Variants in CACNB2 observed in about 807,000 individuals in gnomAD.
The protein encoded by CACNB2 is calcium voltage-gated channel auxiliary subunit beta 2.
A neutral mutation model predicts 73.3 loss-of-function variants in CACNB2; 42 were observed. The ratio of observed to expected loss-of-function variants is 0.57; its 90% CI spans 0.45 to 0.74. CACNB2 has a LOEUF of 0.74. Ranked by LOEUF, CACNB2 falls within the 30% of genes least tolerant of loss-of-function variation. The pLI, the probability that CACNB2 is intolerant of heterozygous loss-of-function variation, is 0.00. For synonymous variants in CACNB2, 348 were observed against 310.3 expected (o/e 1.12, Z -1.28); for missense variants, 940 against 853.0 (o/e 1.10, Z -1.27).
At chr10:18,361,642 T>G (rs2042145991) in intron 2 of CACNB2, among the ~76,000 whole-genome samples, 2 of 150,674 alleles carry the variant, frequency 1.3e-5, no homozygotes, top group Admixed American at 6.6e-5. Context: ...AAACATAGTC[T>G]TGCTCTATTG....
At chr10:18,149,502 A>G (rs957477991) in intron 1 of CACNB2, among the ~76,000 whole-genome samples, 1 of 152,222 alleles carries the variant, frequency 6.6e-6, no homozygotes, top group African/African-American at 2.4e-5. Context: ...ACAAACATAT[A>G]TAAGAAAATT....
At chr10:18,187,506 C>T (rs1035394693) in intron 2 of CACNB2, among the ~76,000 whole-genome samples, 1 of 152,012 alleles carries the variant, frequency 6.6e-6, no homozygotes, top group African/African-American at 2.4e-5. Context: ...TTAAAAGTGA[C>T]TGTGTTAGTA....
intron 2 of CACNB2, among the ~76,000 whole-genome samples, chr10:18,319,542 C>G (rs9787537): frequency 0.1 from 15,969 of 152,090 alleles, 957 homozygotes; most frequent in South Asian, 0.2. Flanking sequence ...TGCAACAAGT[C>G]ACCATGGCAC....
chr10:18,345,533 A>G (rs1281717133), intron 2 of CACNB2, among the ~76,000 whole-genome samples: 1 of 152,140 alleles, frequency 6.6e-6, no homozygotes, highest in African/African-American at 2.4e-5. Context: ...TGGAACTCCC[A>G]TCCGTCTGTC....
chr10:18,499,803 T>TCA (rs2050089693), intron 4 of CACNB2, among the ~76,000 whole-genome samples: 3 of 38,716 alleles, frequency 7.7e-5, no homozygotes, highest in Non-Finnish European at 1.5e-4. Flanking sequence ...AAACCCCATC[T>TCA]CTAAAAAAAA....
rs117773823 is a variant in CACNB2, at chr10:18,211,683, C to T, written c.213+60708C>T. Among the ~76,000 whole-genome samples the T allele has an allele frequency of 3.4e-3, 525 of 152,206 alleles. 9 individuals carry two copies. In the East Asian group the frequency reaches 0.062, roughly 18 times the overall value. ...ACAGGGTTCAGATTTATATAAATAG[C>T]GGAATACTGTAGTGTGCTGCTCACA... On this transcript the variant is annotated intron_variant, in intron 2 of 13. Coordinates refer to ENST00000324631, the MANE Select transcript of CACNB2 (RefSeq NM_201596.3).
At chr10:18,471,537 C>G (rs560482850) in intron 3 of CACNB2, among the ~76,000 whole-genome samples, 4 of 152,272 alleles carry the variant, frequency 2.6e-5, no homozygotes, top group Admixed American at 6.5e-5. Flanking sequence ...TTTTGTGAAA[C>G]TGCCCATGGT....
intron 3 of CACNB2, among the ~76,000 whole-genome samples, chr10:18,441,193 C>T (rs1418496140): frequency 1.3e-5 from 2 of 152,164 alleles, no homozygotes; most frequent in African/African-American, 2.4e-5. Flanking sequence ...TCACCCAGGT[C>T]AGGAGGTCGA....
intron 2 of CACNB2, among the ~76,000 whole-genome samples, chr10:18,168,785 C>T (rs1455096793): frequency 2.0e-5 from 3 of 152,144 alleles, no homozygotes; most frequent in African/African-American, 4.8e-5. Context: ...GATTATAGAA[C>T]TCTGTTTTGA....
intron 2 of CACNB2, among the ~76,000 whole-genome samples, chr10:18,228,445 A>AAAAAAAAG (rs1359204235): frequency 1.3e-5 from 2 of 148,160 alleles, no homozygotes; most frequent in African/African-American, 2.5e-5. Context: ...AAAAAAAAAA[A>AAAAAAAAG]AAAAGAAAAA....
intron 2 of CACNB2, among the ~76,000 whole-genome samples, chr10:18,339,610 GC>G (rs971091817): frequency 1.3e-5 from 2 of 152,134 alleles, no homozygotes; most frequent in Non-Finnish European, 2.9e-5. Context: ...TCTGTAAAGG[GC>G]CACGTAGGAC....
chr10:18,213,249 A>G (rs1014255872), intron 2 of CACNB2, among the ~76,000 whole-genome samples: 6 of 152,144 alleles, frequency 3.9e-5, no homozygotes, highest in African/African-American at 7.2e-5. Context: ...CAGAGACTCA[A>G]CTCAGGAAAG....
chr10:18,492,242 C>T (rs1421350774), intron 3 of CACNB2, among the ~76,000 whole-genome samples: 1 of 152,200 alleles, frequency 6.6e-6, no homozygotes, highest in Non-Finnish European at 1.5e-5. Flanking sequence ...CCACCTCCCA[C>T]ACTGGGGCTT....
At chr10:18,299,066 C>CT (rs1299105252) in intron 2 of CACNB2, among the ~76,000 whole-genome samples, 1 of 21,676 alleles carries the variant, frequency 4.6e-5, no homozygotes, top group African/African-American at 1.8e-4. Flanking sequence ...TTAAAGTATA[C>CT]TAAAAAAAAA....
At chr10:18,398,132 A>T (rs2132504150) in intron 2 of CACNB2, among the ~76,000 whole-genome samples, 1 of 152,332 alleles carries the variant, frequency 6.6e-6, no homozygotes, top group African/African-American at 2.4e-5. Flanking sequence ...GAAAGTCCAT[A>T]TGTTTCCAAA....
At chr10:18,241,622 A>T (rs550411305) in intron 2 of CACNB2, among the ~76,000 whole-genome samples, 8 of 152,340 alleles carry the variant, frequency 5.3e-5, no homozygotes, top group African/African-American at 1.9e-4. Context: ...ATAAAGAGGT[A>T]CATGGGAAAC....
intron 2 of CACNB2, among the ~76,000 whole-genome samples, chr10:18,289,356 G>T (rs555798181): frequency 1.4e-5 from 2 of 144,606 alleles, no homozygotes; most frequent in African/African-American, 2.6e-5. Flanking sequence ...GTGCAGTGGC[G>T]TGATCTCGGC....
At chr10:18,504,357 C>T (rs1420193487) in intron 5 of CACNB2, among the ~76,000 whole-genome samples, 1 of 152,166 alleles carries the variant, frequency 6.6e-6, no homozygotes, top group Non-Finnish European at 1.5e-5. Flanking sequence ...CCAGGTCTTG[C>T]CTGGCACAGC....
chr10:18,191,892 A>G (rs556389684), intron 2 of CACNB2, among the ~76,000 whole-genome samples: 1 of 152,332 alleles, frequency 6.6e-6, no homozygotes, highest in South Asian at 2.1e-4. Context: ...TTGTGCTGCT[A>G]TAAACATGCG....
Sources: allele counts gnomAD v4.1 joint callset (sites outside exome capture counted in the v4.1 genomes callset), GRCh38; gene constraint gnomAD v4.1.1; transcripts MANE v1.5; gene names NCBI Gene and HGNC (gene_info 2026-07-23, HGNC 2026-07-21).